Variants in ITGB6 observed in about 807,000 individuals in gnomAD.
The protein encoded by ITGB6 is integrin subunit beta 6.
A neutral mutation model predicts 84.5 loss-of-function variants in ITGB6; 80 were observed. That is an observed-to-expected ratio of 0.95 (90% CI 0.79 to 1.14). ITGB6 has a LOEUF of 1.14. Among genes scored for constraint, ITGB6 ranks in the 50% most tolerant of loss-of-function variants. The pLI is 0.00. For missense variants in ITGB6, 1,006 were observed against 968.0 expected (o/e 1.04, Z -0.52); for synonymous variants, 383 against 354.9 (o/e 1.08, Z -0.89).
rs147011033 is a variant in ITGB6 at position 160,137,638 on chromosome 2, T to C, written c.1456A>G (p.Met486Val). The part of the protein sequence containing the change: ...CGVCACHPGH[M>V]GPRCECGEDM... ...TCGCCACACTCACAGCGAGGCCCCATGTGGCCAGGGTGGCAGGCACACACC... is the reference window on the plus strand; with the variant it reads ...TCGCCACACTCACAGCGAGGCCCCACGTGGCCAGGGTGGCAGGCACACACC... Residue 486 changes from methionine to valine, a missense_variant, in exon 10 of 15, where the codon ATG becomes GTG. Physicochemically the swap from Met to Val is conservative, Grantham distance 21. Coordinates refer to ENST00000283249, the MANE Select transcript of ITGB6 (RefSeq NM_000888.5). 1.9e-5 allele frequency: 30 copies of C among 1,614,192 alleles called. No homozygotes were observed. In the African/African-American group the frequency reaches 3.3e-4, roughly 18 times the overall value.
intron 11 of ITGB6, among the ~76,000 whole-genome samples, chr2:160,125,347 C>G (rs111462673): frequency 7.4e-4 from 113 of 152,288 alleles, no homozygotes; most frequent in African/African-American, 2.6e-3. Context: ...ATTCAAATGG[C>G]TTTGATTGTT....
intron 12 of ITGB6, among the ~76,000 whole-genome samples, chr2:160,115,402 G>C (rs573920948): frequency 3.9e-4 from 60 of 152,302 alleles, no homozygotes; most frequent in African/African-American, 1.3e-3. Context: ...AGGCAAACAG[G>C]GTCTGGAGTG....
At chr2:160,112,695 C>T (rs1682586366) in intron 12 of ITGB6, among the ~76,000 whole-genome samples, 1 of 151,772 alleles carries the variant, frequency 6.6e-6, no homozygotes, top group Non-Finnish European at 1.5e-5. Flanking sequence ...TATCAGGAAA[C>T]TGAGACTGAA....
At chr2:160,165,650 G>A (rs761690175) in intron 7 of ITGB6, among the ~76,000 whole-genome samples, 1 of 152,308 alleles carries the variant, frequency 6.6e-6, no homozygotes, top group South Asian at 2.1e-4. Flanking sequence ...AGCCACACAA[G>A]GACATCAGGC....
rs544447928 is a variant in ITGB6 at position 160,101,020 on chromosome 2, C to T, written c.*716G>A. 3 of 151,974 alleles carry T rather than the reference C, an allele frequency of 2.0e-5. No individual in the cohort carries two copies. The highest frequency in any genetic ancestry group is 3.9e-4 in the East Asian group (2 of 5,180). The allele number at this position is 151,974 out of a possible 1,614,324, so 9.4% of individuals were successfully genotyped here. ...TCAAAAAGGAAACAGTGTAGAATAT[C>T]GTTTTTCAGGTAATTTAAAAATAAG... On this transcript the variant is annotated 3_prime_UTR_variant, in exon 15 of 15. Transcript: ENST00000283249.
intron 5 of ITGB6, 82 bp from the exon 6 acceptor site, chr2:160,172,812 T>C: frequency 9.4e-7 from 1 of 1,065,806 alleles, no homozygotes; most frequent in South Asian, 1.6e-5. Flanking sequence ...CTTGGACACA[T>C]TTAGGTTATA....
At chr2:160,194,105 C>T (rs182602042) in intron 4 of ITGB6, among the ~76,000 whole-genome samples, 211 of 152,078 alleles carry the variant, frequency 1.4e-3, no homozygotes, top group African/African-American at 4.2e-3. Context: ...TACAGTGAGC[C>T]GAGATCATGC....
chr2:160,174,135 T>C lies in ITGB6; in HGVS notation c.598A>G (p.Ile200Val), dbSNP rs946554296. The C allele has an allele frequency of 6.3e-7, 1 of 1,598,948 alleles. No individual in the cohort carries two copies. Among genetic ancestry groups the C allele is most frequent in the Non-Finnish European group, 8.5e-7 (1 of 1,174,498 alleles). Residue 200 changes from isoleucine to valine, a missense_variant, in exon 5 of 15, where the codon ATT becomes GTT. Ile to Val is a conservative substitution (Grantham distance 29). Coordinates refer to ENST00000283249, the MANE Select transcript of ITGB6 (RefSeq NM_000888.5). Reference protein sequence around the residue: ...PEEIANPCSSIPYFCLPTFGF... With the variant: ...PEEIANPCSSVPYFCLPTFGF... ...AATGTAGGTAAACAGAAGTATGGAATACTACTGCAAAAGTAAGATGCAAAA... is the reference window on the plus strand; with the variant it reads ...AATGTAGGTAAACAGAAGTATGGAACACTACTGCAAAAGTAAGATGCAAAA...
At chr2:160,119,727 G>A (rs1006170991) in intron 12 of ITGB6, among the ~76,000 whole-genome samples, 2 of 151,960 alleles carry the variant, frequency 1.3e-5, no homozygotes, top group Non-Finnish European at 2.9e-5. Context: ...GAATGAACAG[G>A]CAACCTACAG....
intron 12 of ITGB6, among the ~76,000 whole-genome samples, chr2:160,120,140 T>C (rs557438764): frequency 1.5e-4 from 23 of 152,032 alleles, no homozygotes; most frequent in South Asian, 2.1e-4. Flanking sequence ...CTAGAAATAC[T>C]ATTTGACCCA....
chr2:160,106,389 C>T (rs1696907056), intron 14 of ITGB6, among the ~76,000 whole-genome samples: 1 of 152,078 alleles, frequency 6.6e-6, no homozygotes, highest in African/African-American at 2.4e-5. Context: ...AGGTGTGAAC[C>T]ACCATGCCTG....
At position 160,172,711 on chromosome 2, in the gene ITGB6, T is replaced by G; in HGVS notation, c.779A>C (p.Asn260Thr). The change falls in exon 6 of 15, where the codon AAT becomes ACT. Residue 260 changes from asparagine (N) to threonine (T), a missense_variant. Physicochemically the swap from Asn to Thr is moderately conservative, Grantham distance 65 (BLOSUM62 0). Transcript: ENST00000283249. The part of the protein sequence containing the change: ...AVCKEKIGWR[N>T]DSLHLLVFVS... Reference sequence around the variant, plus strand: ...AAAGACCAGGAGGTGGAGGGAGTCATTCCGCCAGCCAATTTTTTCCTACAG... The same window carrying G: ...AAAGACCAGGAGGTGGAGGGAGTCAGTCCGCCAGCCAATTTTTTCCTACAG... 1.9e-6 allele frequency: 3 copies of G among 1,595,398 alleles called. No homozygotes were observed. Among genetic ancestry groups the G allele is most frequent in the Non-Finnish European group, 2.6e-6 (3 of 1,164,194 alleles).
chr2:160,100,218 A>G lies in ITGB6; in HGVS notation c.*1518T>C. On this transcript the variant is annotated 3_prime_UTR_variant, in exon 15 of 15. Transcript: ENST00000283249. ...GAAGAAACTTATAGATTTTGCTGTG[A>G]CAATTCAATGGACAACCACGAAGCC... 1 of 152,242 alleles carries G rather than the reference A, an allele frequency of 6.6e-6. No homozygotes were observed. Among genetic ancestry groups the G allele is most frequent in the South Asian group, 2.1e-4 (1 of 4,834 alleles). The allele number at this position is 152,242 out of a possible 1,614,324, so 9.4% of individuals were successfully genotyped here. A position where few individuals can be genotyped will look rare whatever the true frequency, so the allele number is the denominator to read the frequency against.
At chr2:160,199,907 T>C (rs968694608) in intron 1 of ITGB6, 96 bp downstream of exon 1, 14 of 949,070 alleles carry the variant, frequency 1.5e-5, no homozygotes, top group Non-Finnish European at 1.8e-5. Context: ...ATGGAACAGA[T>C]CAAATAAAAC....
chr2:160,147,830 T>A (rs1684257875), intron 7 of ITGB6, among the ~76,000 whole-genome samples: 1 of 152,066 alleles, frequency 6.6e-6, no homozygotes, highest in Non-Finnish European at 1.5e-5. Flanking sequence ...CTCAAAATGA[T>A]CACAGACCTA....
intron 7 of ITGB6, among the ~76,000 whole-genome samples, chr2:160,160,989 G>T (rs948984853): frequency 6.6e-6 from 1 of 152,048 alleles, no homozygotes; most frequent in South Asian, 2.1e-4. Flanking sequence ...TTCACCAAAG[G>T]GGCAATTTCA....
chr2:160,182,500 A>T (rs1685719526), intron 4 of ITGB6, among the ~76,000 whole-genome samples: 1 of 152,222 alleles, frequency 6.6e-6, no homozygotes, highest in Non-Finnish European at 1.5e-5. Context: ...ATGTGAAAAG[A>T]CCAAACCTAT....
chr2:160,195,741 T>C, intron 3 of ITGB6, 126 bp from the exon 4 acceptor site: 3 of 1,065,712 alleles, frequency 2.8e-6, no homozygotes, highest in Non-Finnish European at 4.0e-6. Context: ...TATGATTTTA[T>C]TAACTGTGTG....
In ITGB6 at chr2:160,195,407, A is replaced by C. The variant is rs1404113499; in HGVS notation, c.555T>G (p.Phe185Leu). ...CAATTTCTTCTGGTGTTGTTTTCAC[A>C]AAAGGGGATACAGGTTTTTCCACAA... ...GSFVEKPVSP[F>L]VKTTPEEIAN... is the part of the protein sequence containing the mutation. The change falls in exon 4 of 15, where the codon TTT becomes TTG. Residue 185 changes from phenylalanine (F) to leucine (L), a missense_variant. Coordinates refer to ENST00000283249, the MANE Select transcript of ITGB6 (RefSeq NM_000888.5). 1.2e-6 allele frequency: 2 copies of C among 1,614,206 alleles called. No individual in the cohort carries two copies. The highest frequency in any genetic ancestry group is 4.5e-5 in the East Asian group (2 of 44,886).
Sources: allele counts gnomAD v4.1 joint callset (sites outside exome capture counted in the v4.1 genomes callset), GRCh38; gene constraint gnomAD v4.1.1; transcripts MANE v1.5; gene names NCBI Gene and HGNC (gene_info 2026-07-23, HGNC 2026-07-21).